The following ARHGEF7 variants were observed in gnomAD, a reference collection of about 807,000 sequenced individuals.
The protein encoded by ARHGEF7 is PAK-interacting exchange factor beta.
In ARHGEF7, 33 loss-of-function variants were observed where a neutral mutation model predicts 109.8. The ratio of observed to expected loss-of-function variants is 0.30; its 90% CI spans 0.23 to 0.40. ARHGEF7 has a LOEUF of 0.40. Ranked by LOEUF, ARHGEF7 falls within the 10% of genes least tolerant of loss-of-function variation. The pLI, the probability that ARHGEF7 is intolerant of heterozygous loss-of-function variation, is 1.00. For missense variants in ARHGEF7, 938 were observed against 1,098.5 expected (o/e 0.85, Z 2.07); for synonymous variants, 458 against 424.6 (o/e 1.08, Z -0.97).
chr13:111,177,576 C>T (rs1283473887), intron 2 of ARHGEF7, among the ~76,000 whole-genome samples: 2 of 152,198 alleles, frequency 1.3e-5, no homozygotes, highest in Admixed American at 1.3e-4. Context: ...CAGGTTCTCA[C>T]ACGGTCCTGC....
intron 13 of ARHGEF7, among the ~76,000 whole-genome samples, chr13:111,278,446 G>A (rs1402016064): frequency 1.3e-5 from 2 of 152,284 alleles, no homozygotes; most frequent in Admixed American, 6.5e-5. Context: ...ATTGTAGCAC[G>A]TGTTGTTTTG....
Position 111,249,254 on chromosome 13 carries a change from C to T in ARHGEF7, c.950+4960C>T, listed in dbSNP as rs1412361941. On this transcript the variant is annotated intron_variant, in intron 8 of 21. Coordinates refer to ENST00000646102, the MANE Select transcript of ARHGEF7 (RefSeq NM_001354046.2). ...AATAGTTGAGAAAGCAGGAGGTGCCCTGCCCGTTCTTTTTTCCAAATGTCC... is the reference window on the plus strand; with the variant it reads ...AATAGTTGAGAAAGCAGGAGGTGCCTTGCCCGTTCTTTTTTCCAAATGTCC... Among the ~76,000 whole-genome samples the T allele has an allele frequency of 9.2e-5, 14 of 152,206 alleles. No homozygotes were observed. The East Asian group carries it at 2.1e-3, about 23-fold the overall frequency.
intron 1 of ARHGEF7, among the ~76,000 whole-genome samples, chr13:111,143,349 A>G (rs2075438471): frequency 6.6e-6 from 1 of 152,208 alleles, no homozygotes; most frequent in Non-Finnish European, 1.5e-5. Flanking sequence ...ATTCACTAGC[A>G]CATTTCCGTC....
chr13:111,138,847 G>C (rs1445719314), intron 1 of ARHGEF7, among the ~76,000 whole-genome samples: 1 of 152,120 alleles, frequency 6.6e-6, no homozygotes, highest in Non-Finnish European at 1.5e-5. Context: ...GAAAGAGCTG[G>C]GTCTGGAGAA....
At chr13:111,129,405 T>C (rs891141248) in intron 1 of ARHGEF7, among the ~76,000 whole-genome samples, 1 of 152,158 alleles carries the variant, frequency 6.6e-6, no homozygotes, top group African/African-American at 2.4e-5. Flanking sequence ...AAAGAACTTC[T>C]ATTATTTAAA....
chr13:111,281,710 A>C (rs1248386344), intron 15 of ARHGEF7, among the ~76,000 whole-genome samples: 1 of 152,156 alleles, frequency 6.6e-6, no homozygotes, highest in Non-Finnish European at 1.5e-5. Flanking sequence ...TCAGGTTTTC[A>C]ACAGCAGCCT....
chr13:111,212,850 G>A (rs1007013782), intron 4 of ARHGEF7, among the ~76,000 whole-genome samples: 1 of 152,124 alleles, frequency 6.6e-6, no homozygotes, highest in African/African-American at 2.4e-5. Flanking sequence ...TTGATGGTAT[G>A]CCATAATGTA....
intron 19 of ARHGEF7, chr13:111,294,249 G>C: frequency 1.0e-6 from 1 of 985,314 alleles, no homozygotes; most frequent in East Asian, 1.1e-4. Context: ...TATTACATAC[G>C]GTAGTCCTCT....
intron 2 of ARHGEF7, among the ~76,000 whole-genome samples, chr13:111,193,758 T>A (rs1177863850): frequency 1.3e-5 from 2 of 152,202 alleles, no homozygotes; most frequent in Non-Finnish European, 2.9e-5. Flanking sequence ...CCAATGAACT[T>A]CCATTGGTAT....
intron 10 of ARHGEF7, among the ~76,000 whole-genome samples, chr13:111,274,351 G>A (rs987777679): frequency 6.6e-6 from 1 of 152,152 alleles, no homozygotes; most frequent in Admixed American, 6.5e-5. Flanking sequence ...AGAAATTTGG[G>A]TTGAAGTTAC....
chr13:111,200,597 C>T (rs1192491575), intron 2 of ARHGEF7, among the ~76,000 whole-genome samples: 1 of 152,154 alleles, frequency 6.6e-6, no homozygotes, highest in Non-Finnish European at 1.5e-5. Context: ...ACTTATCCAC[C>T]CTGCAGGTGC....
At chr13:111,270,219 T>C (rs1480184803) in intron 9 of ARHGEF7, among the ~76,000 whole-genome samples, 2 of 152,242 alleles carry the variant, frequency 1.3e-5, no homozygotes, top group Non-Finnish European at 2.9e-5. Context: ...AATGATTTTT[T>C]TCCCAGCAGT....
At chr13:111,191,275 T>A (rs534397644) in intron 2 of ARHGEF7, among the ~76,000 whole-genome samples, 1 of 152,222 alleles carries the variant, frequency 6.6e-6, no homozygotes, top group Non-Finnish European at 1.5e-5. Context: ...GATGGGGTGG[T>A]AGGTGCCCCA....
intron 1 of ARHGEF7, chr13:111,144,165 C>T (rs1488883186): frequency 2.6e-5 from 4 of 152,178 alleles, no homozygotes; most frequent in African/African-American, 9.7e-5. Flanking sequence ...GTTTGGTACA[C>T]TTGTATCTAT....
chr13:111,195,491 T>A (rs2080387264), intron 2 of ARHGEF7, among the ~76,000 whole-genome samples: 2 of 152,228 alleles, frequency 1.3e-5, no homozygotes, highest in South Asian at 4.1e-4. Context: ...CGTCCAGGAC[T>A]GGAGATTAAC....
Position 111,203,888 on chromosome 13 carries a change from C to T in ARHGEF7, c.253-1401C>T, listed in dbSNP as rs146303184. On this transcript the variant is annotated intron_variant, in intron 2 of 21. Coordinates refer to ENST00000646102, the MANE Select transcript of ARHGEF7 (RefSeq NM_001354046.2). ...TCATTACAGCAGCATGCGGTGCCTG[C>T]AGGGTGGGTGGCTGGTTGGATGCTG... Among the ~76,000 whole-genome samples the T allele has an allele frequency of 2.5e-4, 38 of 152,300 alleles. No homozygotes were observed. In the East Asian group the frequency reaches 4.4e-3, roughly 18 times the overall value.
At chr13:111,294,569 CCTTTT>C (rs2093383235) in intron 19 of ARHGEF7, 1 of 985,292 alleles carries the variant, frequency 1.0e-6, no homozygotes, top group Admixed American at 6.1e-5. Flanking sequence ...AATAACCTGA[CCTTTT>C]CTTTGCATTT....
intron 9 of ARHGEF7, among the ~76,000 whole-genome samples, chr13:111,270,416 AC>A (rs2092043003): frequency 6.7e-6 from 1 of 149,920 alleles, no homozygotes; most frequent in South Asian, 2.1e-4. Flanking sequence ...TTATGGCACT[AC>A]TTTTTTTTTT....
chr13:111,147,741 A>C (rs1381970828), intron 1 of ARHGEF7, among the ~76,000 whole-genome samples: 2 of 118,372 alleles, frequency 1.7e-5, no homozygotes, highest in Non-Finnish European at 3.2e-5. Context: ...TCTGTCGCCC[A>C]GGCTGGAGTG....
Sources: allele counts gnomAD v4.1 joint callset (sites outside exome capture counted in the v4.1 genomes callset), GRCh38; gene constraint gnomAD v4.1.1; transcripts MANE v1.5; gene names NCBI Gene and HGNC (gene_info 2026-07-23, HGNC 2026-07-21).